FAM110B: variants seen among roughly 807,000 people sequenced by gnomAD.
FAM110B encodes the protein family with sequence similarity 110 member B.
A neutral mutation model predicts 20.4 loss-of-function variants in FAM110B; 6 were observed. That is an observed-to-expected ratio of 0.29 (90% CI 0.16 to 0.58). FAM110B has a LOEUF of 0.58. FAM110B is among the 20% of genes least tolerant of loss of function. The pLI is 0.90. For synonymous variants in FAM110B, 226 were observed against 214.1 expected, an observed-to-expected ratio of 1.06 and a Z score of -0.49; for missense variants, 434 against 498.2, an observed-to-expected ratio of 0.87 and a Z score of 1.23.
chr8:58,090,683 A>T (rs1303359681), intron 3 of FAM110B, among the ~76,000 whole-genome samples: 2 of 151,962 alleles, frequency 1.3e-5, no homozygotes, highest in Admixed American at 1.3e-4. Flanking sequence ...TCAAGGGTCC[A>T]CTCTAGTTTA....
intron 3 of FAM110B, among the ~76,000 whole-genome samples, chr8:58,102,073 T>C (rs1328774404): frequency 6.6e-6 from 1 of 152,224 alleles, no homozygotes; most frequent in Non-Finnish European, 1.5e-5. Context: ...CACATCTTAC[T>C]TTTCCTTTCA....
intron 2 of FAM110B, among the ~76,000 whole-genome samples, chr8:58,068,198 G>A (rs1805813356): frequency 6.6e-6 from 1 of 152,224 alleles, no homozygotes; most frequent in Non-Finnish European, 1.5e-5. Context: ...AATCTCTGAA[G>A]CCAATTCCTC....
At chr8:58,117,825 C>G (rs1005155434) in intron 3 of FAM110B, among the ~76,000 whole-genome samples, 4 of 152,128 alleles carry the variant, frequency 2.6e-5, no homozygotes, top group Non-Finnish European at 5.9e-5. Context: ...AACCAGAAGG[C>G]ATTTTTGCAA....
At chr8:58,064,520 G>C (rs2150586911) in intron 2 of FAM110B, among the ~76,000 whole-genome samples, 1 of 152,172 alleles carries the variant, frequency 6.6e-6, no homozygotes. Context: ...CATCTGGGTT[G>C]TGCTCAGGGC....
chr8:58,050,508 C>T (rs974975075), intron 2 of FAM110B, among the ~76,000 whole-genome samples: 7 of 152,162 alleles, frequency 4.6e-5, no homozygotes, highest in African/African-American at 7.2e-5. Flanking sequence ...TTCAGGTTGT[C>T]GGCAGGGCTG....
intron 2 of FAM110B, among the ~76,000 whole-genome samples, chr8:58,067,032 T>C (rs1805782922): frequency 6.6e-6 from 1 of 152,224 alleles, no homozygotes; most frequent in African/African-American, 2.4e-5. Context: ...CTGAGATACT[T>C]CCTGCCAGAA....
At chr8:58,086,667 T>G (rs922708991) in intron 3 of FAM110B, among the ~76,000 whole-genome samples, 1 of 152,224 alleles carries the variant, frequency 6.6e-6, no homozygotes, top group Non-Finnish European at 1.5e-5. Context: ...TGTTGTAAAT[T>G]TGTGCAATAT....
At chr8:58,103,657 G>A (rs1165071953) in intron 3 of FAM110B, among the ~76,000 whole-genome samples, 2 of 152,020 alleles carry the variant, frequency 1.3e-5, no homozygotes, top group African/African-American at 4.8e-5. Flanking sequence ...TACATTTCCG[G>A]CACATCCTGT....
chr8:58,030,384 G>C (rs946736452), intron 1 of FAM110B, among the ~76,000 whole-genome samples: 1 of 152,196 alleles, frequency 6.6e-6, no homozygotes, highest in South Asian at 2.1e-4. Context: ...TGAGTGGAAA[G>C]TATCAATCTT....
chr8:58,006,709 T>C (rs1804410750), intron 1 of FAM110B, among the ~76,000 whole-genome samples: 2 of 151,352 alleles, frequency 1.3e-5, no homozygotes, highest in South Asian at 4.2e-4. Context: ...TTCAAGCGAT[T>C]ATCCTGCCTC....
chr8:58,103,112 G>T (rs1397514417), intron 3 of FAM110B, among the ~76,000 whole-genome samples: 1 of 151,974 alleles, frequency 6.6e-6, no homozygotes, highest in Non-Finnish European at 1.5e-5. Context: ...GTACAGGAAG[G>T]TTTATGCATT....
intron 2 of FAM110B, among the ~76,000 whole-genome samples, chr8:58,074,840 T>C (rs113412559): frequency 0.01 from 1,569 of 152,196 alleles, 28 homozygotes; most frequent in African/African-American, 0.036. Context: ...TACCAGGGAC[T>C]CTGAGGCCCC....
chr8:58,056,730 G>A (rs1585848246), intron 2 of FAM110B, among the ~76,000 whole-genome samples: 1 of 152,304 alleles, frequency 6.6e-6, no homozygotes, highest in East Asian at 1.9e-4. Flanking sequence ...TCATACTAAT[G>A]CATAGTTTAT....
chr8:58,027,426 T>G (rs1804875930), intron 1 of FAM110B, among the ~76,000 whole-genome samples: 2 of 151,920 alleles, frequency 1.3e-5, no homozygotes, highest in African/African-American at 2.4e-5. Flanking sequence ...ACACTGAGTT[T>G]TTTTTTTTTA....
At chr8:58,045,825 A>T (rs984545572) in intron 2 of FAM110B, among the ~76,000 whole-genome samples, 1 of 152,198 alleles carries the variant, frequency 6.6e-6, no homozygotes, top group African/African-American at 2.4e-5. Context: ...CTATAACAAA[A>T]TATCTCAGGC....
chr8:58,121,183 G>A (rs7824949), intron 3 of FAM110B, among the ~76,000 whole-genome samples: 14,761 of 152,146 alleles, frequency 0.097, 2,391 homozygotes, highest in African/African-American at 0.33. Context: ...TAGGTCTGGG[G>A]AGGTGCCATG....
At chr8:58,055,168 C>T (rs1452064020) in intron 2 of FAM110B, among the ~76,000 whole-genome samples, 1 of 152,154 alleles carries the variant, frequency 6.6e-6, no homozygotes, top group Non-Finnish European at 1.5e-5. Context: ...GCCAGTGGAG[C>T]TTACCTTGTC....
intron 3 of FAM110B, among the ~76,000 whole-genome samples, chr8:58,130,062 A>ACCTGCCTC (rs2150633407): frequency 6.6e-6 from 1 of 152,240 alleles, no homozygotes; most frequent in Admixed American, 6.5e-5. Flanking sequence ...CTTGACATTC[A>ACCTGCCTC]CCTGCCTCCT....
intron 1 of FAM110B, among the ~76,000 whole-genome samples, chr8:58,003,529 A>T (rs1411811697): frequency 6.6e-6 from 1 of 152,252 alleles, no homozygotes; most frequent in Non-Finnish European, 1.5e-5. Flanking sequence ...GTATTCCTTA[A>T]GTAATAAGAC....
Sources: gnomAD v4.1 joint callset for allele counts (sites outside exome capture counted in the v4.1 genomes callset) on GRCh38, gnomAD v4.1.1 for gene constraint, MANE v1.5 for transcripts, NCBI Gene and HGNC (gene_info 2026-07-23, HGNC 2026-07-21) for gene names.